Variants in C1orf159 observed in about 807,000 individuals in gnomAD.
The protein encoded by C1orf159 is chromosome 1 open reading frame 159.
A neutral mutation model predicts 25.6 loss-of-function variants in C1orf159; 19 were observed. That is an observed-to-expected ratio of 0.74 (90% confidence interval 0.52 to 1.09). The LOEUF is 1.09. C1orf159 is among the 50% of genes least tolerant of loss of function. The pLI is 0.00. For synonymous variants in C1orf159, 139 were observed against 124.7 expected, an observed-to-expected ratio of 1.12 and a Z score of -0.77; for missense variants, 274 against 290.6, an observed-to-expected ratio of 0.94 and a Z score of 0.42.
At chr1:1,086,631 G>C (rs1474840274) in intron 6 of C1orf159, among the ~76,000 whole-genome samples, 1 of 152,246 alleles carries the variant, frequency 6.6e-6, no homozygotes, top group African/African-American at 2.4e-5. Flanking sequence ...AGCCACAGGA[G>C]GCCAGGAGCC....
At chr1:1,104,226 A>G (rs1301072928) in intron 1 of C1orf159, among the ~76,000 whole-genome samples, 2 of 152,082 alleles carry the variant, frequency 1.3e-5, no homozygotes, top group Non-Finnish European at 2.9e-5. Flanking sequence ...TGACCTCGTG[A>G]TCCACCTGCC....
chr1:1,105,747 G>A (rs969070402), intron 1 of C1orf159, among the ~76,000 whole-genome samples: 3 of 130,814 alleles, frequency 2.3e-5, no homozygotes, highest in Admixed American at 1.5e-4. Context: ...CTGGGCGGGC[G>A]CCTGTAGTCC....
At chr1:1,083,137 C>T (rs911739201) in intron 9 of C1orf159, 150 bp from the exon 10 acceptor site, 4 of 606,378 alleles carry the variant, frequency 6.6e-6, no homozygotes, top group Non-Finnish European at 1.1e-5. Flanking sequence ...ACCCAGATGC[C>T]CCCTGCCCCT....
Position 1,100,824 on chromosome 1 carries a change from G to T in C1orf159, c.-135-8721C>A, listed in dbSNP as rs113561703. 5.2e-3 allele frequency among the ~76,000 whole-genome samples: 788 copies of T among 152,240 alleles called. 8 individuals are homozygous for T. The highest frequency in any genetic ancestry group is 0.018 in the African/African-American group (745 of 41,530). Reference sequence around the variant, plus strand: ...GCTTTTTCTAGTCTACTTAGAACTAGCATTATACCACTTTATGCAAAATGT... The same window carrying T: ...GCTTTTTCTAGTCTACTTAGAACTATCATTATACCACTTTATGCAAAATGT... On this transcript the variant is annotated intron_variant, in intron 1 of 9. Transcript: ENST00000421241.
chr1:1,085,726 C>T (rs958738350), intron 7 of C1orf159, among the ~76,000 whole-genome samples, 152 bp downstream of exon 7: 3 of 152,332 alleles, frequency 2.0e-5, no homozygotes, highest in African/African-American at 4.8e-5. Context: ...CTTCTCACAC[C>T]GGGACCCAAA....
intron 1 of C1orf159, among the ~76,000 whole-genome samples, chr1:1,103,120 G>A (rs1310722846): frequency 6.6e-6 from 1 of 152,190 alleles, no homozygotes; most frequent in East Asian, 1.9e-4. Flanking sequence ...TGGGATTACA[G>A]GCGTGAGCCA....
In C1orf159 at chr1:1,083,586, G is replaced by A. The variant is rs11800256; in HGVS notation, c.503-599C>T. On this transcript the variant is annotated intron_variant, in intron 9 of 9. Coordinates refer to ENST00000421241, the MANE Select transcript of C1orf159 (RefSeq NM_017891.5). ...CGTCCTCCCCGGAGCCTCGGGAAGC[G>A]TGTGGCCTTGTTTGCCCCTTGGTTT... 3.5e-3 allele frequency: 1,164 copies of A among 332,526 alleles called. 10 individuals carry two copies. Among genetic ancestry groups the A allele is most frequent in the African/African-American group, 0.022 (991 of 45,790 alleles). 20.6% of individuals were successfully genotyped at this position (332,526 alleles called of 1,614,324 possible).
chr1:1,101,351 C>A (rs1646097132), intron 1 of C1orf159, among the ~76,000 whole-genome samples: 2 of 152,126 alleles, frequency 1.3e-5, no homozygotes, highest in Non-Finnish European at 2.9e-5. Context: ...AGCATGGTAG[C>A]ACACGCTTGT....
chr1:1,093,106 C>T (rs1459944590), intron 1 of C1orf159, among the ~76,000 whole-genome samples: 1 of 152,088 alleles, frequency 6.6e-6, no homozygotes, highest in African/African-American at 2.4e-5. Context: ...TCAGATGGAA[C>T]GTGTTGAAGT....
chr1:1,090,992 A>C (rs1239778192), intron 3 of C1orf159: 2 of 1,547,686 alleles, frequency 1.3e-6, no homozygotes, highest in African/African-American at 2.7e-5. Context: ...ACCTGAATGC[A>C]GTGAACGGTG....
chr1:1,088,940 C>T (rs1033862049), intron 4 of C1orf159, among the ~76,000 whole-genome samples: 1 of 152,226 alleles, frequency 6.6e-6, no homozygotes, highest in African/African-American at 2.4e-5. Flanking sequence ...GGGGCAGCCT[C>T]TGTCTCCCGG....
intron 1 of C1orf159, chr1:1,092,327 G>A (rs143934269): frequency 4.4e-4 from 90 of 206,742 alleles, no homozygotes; most frequent in Middle Eastern, 2.1e-3. Flanking sequence ...ACAGGCCCTC[G>A]CTGGGATACG....
Position 1,089,460 on chromosome 1 carries a change from G to T in C1orf159, c.148+893C>A, listed in dbSNP as rs1027222854. On this transcript the variant is annotated intron_variant, in intron 4 of 9. Transcript: ENST00000421241. The surrounding 1 kb of genome is among the most constrained non-coding windows in gnomAD (Gnocchi z 7.5). ...CAGCCCCTCTGTTCTCCCTCAGAGCGGTGCCCTCCTCCTCCTACCCTGCGT... is the reference window on the plus strand; with the variant it reads ...CAGCCCCTCTGTTCTCCCTCAGAGCTGTGCCCTCCTCCTCCTACCCTGCGT... 6.6e-6 allele frequency among the ~76,000 whole-genome samples: 1 copy of T among 152,078 alleles called. No individual in the cohort carries two copies. The highest frequency in any genetic ancestry group is 1.5e-5 in the Non-Finnish European group (1 of 67,976).
Position 1,089,853 on chromosome 1 carries a change from C to T in C1orf159, c.148+500G>A, listed in dbSNP as rs760515709. On this transcript the variant is annotated intron_variant, in intron 4 of 9. Transcript: ENST00000421241. This position sits in a 1 kb window ranked among gnomAD's most constrained non-coding sequence, Gnocchi z 7.5. ...CCAGCTGCCCCCAGACAGTCCCTTC[C>T]GCAGCCTCCCAGAACCTCTGATGAA... Among the ~76,000 whole-genome samples the T allele has an allele frequency of 9.2e-5, 14 of 152,332 alleles. No individual in the cohort carries two copies. Among genetic ancestry groups the T allele is most frequent in the Middle Eastern group, 6.8e-3 (2 of 294 alleles).
intron 2 of C1orf159, 188 bp from the exon 3 acceptor site, chr1:1,091,753 G>T (rs1645941040): frequency 3.7e-6 from 2 of 535,504 alleles, no homozygotes; most frequent in African/African-American, 3.9e-5. Context: ...GCGGGGCTGT[G>T]GTGGAGGGTG....
intron 1 of C1orf159, among the ~76,000 whole-genome samples, chr1:1,101,376 G>A (rs980378936): frequency 5.9e-5 from 9 of 152,246 alleles, no homozygotes; most frequent in South Asian, 2.1e-4. Flanking sequence ...CCAGCTACTT[G>A]GGAGGCTGAG....
chr1:1,113,447 C>G (rs1045919579), intron 1 of C1orf159, among the ~76,000 whole-genome samples: 4 of 152,176 alleles, frequency 2.6e-5, no homozygotes, highest in African/African-American at 9.7e-5. Context: ...GGCTGGAGTG[C>G]ATCGTTGCGA....
rs912817314 is a variant in C1orf159, at chr1:1,090,660, A to G, written c.73-232T>C. ...ACCCTGGGTGGGCGGTCTCCAAGGA[A>G]AAGCTGGGCCTGGAAGAGTAAACCA... On this transcript the variant is annotated intron_variant, in intron 3 of 9. Transcript: ENST00000421241. 8 of 685,486 alleles carry G rather than the reference A, an allele frequency of 1.2e-5. No individual in the cohort carries two copies. In the South Asian group the frequency reaches 1.2e-4, roughly 11 times the overall value. The allele number at this position is 685,486 out of a possible 1,614,324, so 42.5% of individuals were successfully genotyped here. A position where few individuals can be genotyped will look rare whatever the true frequency, so the allele number is the denominator to read the frequency against.
At chr1:1,084,562 G>A in intron 7 of C1orf159, 56 bp from the exon 8 acceptor site, 6 of 1,545,500 alleles carry the variant, frequency 3.9e-6, no homozygotes, top group Non-Finnish European at 5.2e-6. Flanking sequence ...CTCAACCTCA[G>A]CCCAGTGCAG....
Sources: gnomAD v4.1 joint callset for allele counts (sites outside exome capture counted in the v4.1 genomes callset) on GRCh38, gnomAD v4.1.1 for gene constraint, Gnocchi (gnomAD v3.1) non-coding constraint, MANE v1.5 for transcripts, NCBI Gene and HGNC (gene_info 2026-07-23, HGNC 2026-07-21) for gene names.